The following DDIAS variants were observed in gnomAD, a reference collection of about 807,000 sequenced individuals.
The protein encoded by DDIAS is DNA damage-induced apoptosis suppressor protein.
A neutral mutation model predicts 15.7 loss-of-function variants in DDIAS; 14 were observed. The observed-to-expected ratio is 0.89, with a 90% CI of 0.59 to 1.39. DDIAS has a LOEUF of 1.39. Ranked by LOEUF, DDIAS falls within the 40% of genes most tolerant of loss-of-function variation. The pLI is 0.00. For synonymous variants in DDIAS, 355 were observed against 395.9 expected, an observed-to-expected ratio of 0.90 and a Z score of 1.23; for missense variants, 1,035 against 1,130.9, an observed-to-expected ratio of 0.92 and a Z score of 1.22.
At chr11:82,924,507 A>G (rs922982759) in intron 3 of DDIAS, among the ~76,000 whole-genome samples, 2 of 152,218 alleles carry the variant, frequency 1.3e-5, no homozygotes, top group Non-Finnish European at 2.9e-5. Context: ...GCTAAATATA[A>G]GTACGCTAGA....
rs1308216246 is a variant in DDIAS, at chr11:82,928,872, T to G, written c.209T>G (p.Phe70Cys). ...SLKVAESNKL[F>C]VITVFGSCLD... ...AAAGTTGCAGAATCAAACAAATTGTTTGTTATTACTGTATTTGGAAGTTGC... is the reference window on the plus strand; with the variant it reads ...AAAGTTGCAGAATCAAACAAATTGTGTGTTATTACTGTATTTGGAAGTTGC... The change falls in exon 4 of 6, where the codon TTT becomes TGT. Residue 70 changes from phenylalanine to cysteine, a missense_variant. Physicochemically the swap from Phe to Cys is radical, Grantham distance 205. Transcript: ENST00000533655. 1 of 1,613,322 alleles carries G rather than the reference T, an allele frequency of 6.2e-7. No homozygotes were observed. The highest frequency in any genetic ancestry group is 8.5e-7 in the Non-Finnish European group (1 of 1,179,788).
intron 3 of DDIAS, among the ~76,000 whole-genome samples, chr11:82,919,308 G>T (rs1259211678): frequency 3.3e-5 from 5 of 152,138 alleles, no homozygotes; most frequent in African/African-American, 1.2e-4. Context: ...ATCATAAATG[G>T]ATGCTGGATT....
intron 1 of DDIAS, among the ~76,000 whole-genome samples, chr11:82,903,504 A>G (rs1329687764): frequency 6.6e-6 from 1 of 151,962 alleles, no homozygotes; most frequent in Non-Finnish European, 1.5e-5. Flanking sequence ...TCGTACTAAG[A>G]TTTTCCTGGT....
intron 1 of DDIAS, among the ~76,000 whole-genome samples, chr11:82,906,010 T>C (rs1269209793): frequency 6.6e-6 from 1 of 152,034 alleles, no homozygotes; most frequent in Non-Finnish European, 1.5e-5. Context: ...CAATTATTCA[T>C]CAGACATGCA....
In DDIAS at chr11:82,911,647, T is replaced by C. The variant is rs79555968; in HGVS notation, c.-116-1640T>C. 2.7e-3 allele frequency among the ~76,000 whole-genome samples: 408 copies of C among 152,296 alleles called. 1 individual carries two copies. The highest frequency in any genetic ancestry group is 8.9e-3 in the African/African-American group (368 of 41,560). On this transcript the variant is annotated intron_variant, in intron 1 of 5. Coordinates refer to ENST00000533655, the MANE Select transcript of DDIAS (RefSeq NM_145018.4). ...GGACTGGAATCAGCTTCTTCCAAAC[T>C]CCAATTAGTGTGGATATTTTGACTT...
At chr11:82,918,236 A>G (rs1176171148) in intron 3 of DDIAS, among the ~76,000 whole-genome samples, 2 of 152,182 alleles carry the variant, frequency 1.3e-5, no homozygotes, top group African/African-American at 2.4e-5. Context: ...TTATAGTTTC[A>G]GGTCTTAGAT....
At position 82,933,118 on chromosome 11, in the gene DDIAS, A is replaced by G. The variant is rs757519018; in HGVS notation, c.1780A>G (p.Thr594Ala). ...TTCAGAAATGAATGAAAAGTTGACA[A>G]CTCTGTGTTATAGGAAGTATAATGA... The part of the protein sequence containing the change: ...SVSEMNEKLT[T>A]LCYRKYNDVS... Residue 594 changes from threonine to alanine, a missense_variant, in exon 6 of 6, where the codon ACT becomes GCT. Transcript: ENST00000533655. The G allele has an allele frequency of 1.2e-6, 2 of 1,605,136 alleles. No homozygotes were observed. The highest frequency in any genetic ancestry group is 1.7e-6 in the Non-Finnish European group (2 of 1,179,026).
In DDIAS at chr11:82,903,200, G is replaced by A. The variant is rs141106036; in HGVS notation, c.-117+1378G>A. 3.9e-3 allele frequency among the ~76,000 whole-genome samples: 591 copies of A among 152,314 alleles called. 4 individuals carry two copies. The highest frequency in any genetic ancestry group is 0.013 in the African/African-American group (560 of 41,560). Reference sequence around the variant, plus strand: ...GAGTCTGGAAAGATGGGCAGAGACCGGATCATGGTTAGGAGGTTAATCCAG... The same window carrying A: ...GAGTCTGGAAAGATGGGCAGAGACCAGATCATGGTTAGGAGGTTAATCCAG... On this transcript the variant is annotated intron_variant, in intron 1 of 5. Coordinates refer to ENST00000533655, the MANE Select transcript of DDIAS (RefSeq NM_145018.4).
In DDIAS at chr11:82,933,862, G is replaced by A. The variant is rs7130899; in HGVS notation, c.2524G>A (p.Val842Ile). ...QKIRSPIVSG[V>I]SQPDVFNHYP... The stretch of plus-strand genomic sequence containing the variant: ...AATCAGAAGCCCTATTGTATCTGGT[G>A]TTTCACAACCAGACGTTTTCAATCA... Residue 842 changes from valine (V) to isoleucine (I), a missense_variant, in exon 6 of 6, where the codon GTT (valine) becomes ATT (isoleucine). By Grantham distance (29) the Val-to-Ile change is conservative. Coordinates refer to ENST00000533655, the MANE Select transcript of DDIAS (RefSeq NM_145018.4). 0.51 allele frequency: 819,157 copies of A among 1,613,610 alleles called. 211,307 individuals are homozygous for A. Among genetic ancestry groups the A allele is most frequent in the African/African-American group, 0.74 (55,212 of 74,952 alleles).
chr11:82,934,446 A>G lies in DDIAS; in HGVS notation c.*111A>G. The G allele has an allele frequency of 1.8e-6, 2 of 1,106,566 alleles. No homozygotes were observed. The highest frequency in any genetic ancestry group is 2.5e-6 in the Non-Finnish European group (2 of 790,384). 68.5% of individuals were successfully genotyped at this position (1,106,566 alleles called of 1,614,324 possible). ...TGAACACTTGGAGAGAAGCAAATTG[A>G]AAACAGGACTCTGCTGGGAGCTACT... On this transcript the variant is annotated 3_prime_UTR_variant, in exon 6 of 6. Coordinates refer to ENST00000533655, the MANE Select transcript of DDIAS (RefSeq NM_145018.4).
chr11:82,909,761 C>T (rs1165970377), intron 1 of DDIAS, among the ~76,000 whole-genome samples: 1 of 152,118 alleles, frequency 6.6e-6, no homozygotes, highest in Admixed American at 6.5e-5. Context: ...TCGGCTTTGG[C>T]AGAACCTTAC....
At position 82,925,751 on chromosome 11, in the gene DDIAS, G is replaced by A. The variant is rs113452055; in HGVS notation, c.114-3026G>A. On this transcript the variant is annotated intron_variant, in intron 3 of 5. Transcript: ENST00000533655. ...CACCTGTAATCCCAGCACTTTGGGA[G>A]GCCGAGGTGGGCGGATCATGAGGTC... Among the ~76,000 whole-genome samples, 378 of 152,276 alleles carry A rather than the reference G, an allele frequency of 2.5e-3. 4 individuals are homozygous for A. The highest frequency in any genetic ancestry group is 8.6e-3 in the African/African-American group (356 of 41,546).
At chr11:82,930,126 C>A in intron 4 of DDIAS, 31 bp from the exon 5 acceptor site, 2 of 1,311,308 alleles carry the variant, frequency 1.5e-6, no homozygotes, top group South Asian at 1.3e-5. Context: ...AAGTTCATTG[C>A]TTCACATTTT....
Position 82,932,684 on chromosome 11 carries a change from A to C in DDIAS, c.1346A>C (p.Asn449Thr), listed in dbSNP as rs768697292. ...DVSSRKHHVD[N>T]DIDKFHADHS... ...AGTAGTAGGAAACATCATGTAGATA[A>C]TGACATTGATAAATTTCATGCAGAC... Residue 449 changes from asparagine (N) to threonine (T), a missense_variant, in exon 6 of 6, where the codon AAT becomes ACT. Physicochemically the swap from Asn to Thr is moderately conservative, Grantham distance 65. Coordinates refer to ENST00000533655, the MANE Select transcript of DDIAS (RefSeq NM_145018.4). 3 of 1,614,066 alleles carry C rather than the reference A, an allele frequency of 1.9e-6. No individual in the cohort carries two copies. The East Asian group carries it at 6.7e-5, about 36-fold the overall frequency.
At chr11:82,909,518 A>C (rs1055481655) in intron 1 of DDIAS, among the ~76,000 whole-genome samples, 3 of 152,184 alleles carry the variant, frequency 2.0e-5, no homozygotes, top group African/African-American at 7.2e-5. Context: ...TTTTTTATTC[A>C]AACACATCTG....
At chr11:82,931,343 T>C (rs1303050156) in intron 5 of DDIAS, among the ~76,000 whole-genome samples, 1 of 152,112 alleles carries the variant, frequency 6.6e-6, no homozygotes, top group Non-Finnish European at 1.5e-5. Context: ...TTTAACCTTT[T>C]AAATCTGTTT....
At chr11:82,929,568 T>A (rs1169708907) in intron 4 of DDIAS, among the ~76,000 whole-genome samples, 1 of 151,688 alleles carries the variant, frequency 6.6e-6, no homozygotes, top group Non-Finnish European at 1.5e-5. Flanking sequence ...CTGGGCATGG[T>A]GGTGGGCGCC....
intron 1 of DDIAS, among the ~76,000 whole-genome samples, chr11:82,906,984 G>A (rs1365933402): frequency 1.3e-5 from 2 of 152,044 alleles, no homozygotes; most frequent in African/African-American, 4.8e-5. Context: ...GTCCTTCTAC[G>A]ATCTTACTTT....
intron 3 of DDIAS, among the ~76,000 whole-genome samples, chr11:82,918,812 TGTTTTTTTTGTGTG>T (rs1420376861): frequency 6.6e-6 from 1 of 151,708 alleles, no homozygotes; most frequent in African/African-American, 2.4e-5. Context: ...TTCCTAAATT[TGTTTTTTTTGTGTG>T]GTTTTTTTTT....
Sources: gnomAD v4.1 joint callset for allele counts (sites outside exome capture counted in the v4.1 genomes callset) on GRCh38, gnomAD v4.1.1 for gene constraint, MANE v1.5 for transcripts, NCBI Gene and HGNC (gene_info 2026-07-23, HGNC 2026-07-21) for gene names.